The following PLCB1 variants were observed in gnomAD, a reference collection of about 807,000 sequenced individuals.
The protein encoded by PLCB1 is 1-phosphatidylinositol 4,5-bisphosphate phosphodiesterase beta-1.
A neutral mutation model predicts 161.8 loss-of-function variants in PLCB1; 46 were observed. That is an observed-to-expected ratio of 0.28 (90% CI 0.22 to 0.36). The LOEUF (loss-of-function observed/expected upper bound fraction) is 0.36. PLCB1 is among the 10% of genes least tolerant of loss of function. PLCB1 has a pLI of 1.00. For synonymous variants in PLCB1, 517 were observed against 503.7 expected, an observed-to-expected ratio of 1.03 and a Z score of -0.35; for missense variants, 1,016 against 1,472.5, an observed-to-expected ratio of 0.69 and a Z score of 5.07.
At chr20:8,327,324 A>G (rs1257679253) in intron 2 of PLCB1, among the ~76,000 whole-genome samples, 1 of 152,228 alleles carries the variant, frequency 6.6e-6, no homozygotes, top group Admixed American at 6.5e-5. Flanking sequence ...CATGGGTTAC[A>G]GCACCATGTC....
intron 3 of PLCB1, among the ~76,000 whole-genome samples, chr20:8,492,353 A>G (rs1982982453): frequency 6.6e-6 from 1 of 152,150 alleles, no homozygotes; most frequent in Non-Finnish European, 1.5e-5. Flanking sequence ...TGCATTGTTA[A>G]CTGCATCTTC....
chr20:8,563,667 T>G (rs1986225654), intron 3 of PLCB1, among the ~76,000 whole-genome samples: 1 of 152,130 alleles, frequency 6.6e-6, no homozygotes, highest in Non-Finnish European at 1.5e-5. Flanking sequence ...ACAAAATCAA[T>G]GTGCAAAAAT....
intron 3 of PLCB1, among the ~76,000 whole-genome samples, chr20:8,448,846 CA>C (rs1360467473): frequency 2.6e-5 from 4 of 152,154 alleles, no homozygotes; most frequent in African/African-American, 7.2e-5. Context: ...TAAGGTCACA[CA>C]GATGGCTTTG....
intron 2 of PLCB1, among the ~76,000 whole-genome samples, chr20:8,314,921 C>T (rs988844054): frequency 2.0e-5 from 3 of 152,166 alleles, no homozygotes; most frequent in African/African-American, 7.2e-5. Flanking sequence ...TAATTAGAGA[C>T]ACAGAGCCAC....
intron 3 of PLCB1, among the ~76,000 whole-genome samples, chr20:8,557,043 A>T (rs1454652348): frequency 6.6e-6 from 1 of 151,216 alleles, no homozygotes; most frequent in Non-Finnish European, 1.5e-5. Flanking sequence ...AAAAATGGAA[A>T]TAAAACAAGT....
chr20:8,336,165 A>G (rs929569599), intron 2 of PLCB1, among the ~76,000 whole-genome samples: 1 of 152,222 alleles, frequency 6.6e-6, no homozygotes, highest in Non-Finnish European at 1.5e-5. Context: ...AAGGGTAAAA[A>G]GGTAGTTACA....
chr20:8,829,604 G>T (rs1016327125), intron 31 of PLCB1, among the ~76,000 whole-genome samples: 6 of 152,188 alleles, frequency 3.9e-5, no homozygotes, highest in Admixed American at 2.6e-4. Context: ...GGCAATGCAC[G>T]CCTGGAAGGA....
At chr20:8,221,987 A>G (rs755838636) in intron 2 of PLCB1, among the ~76,000 whole-genome samples, 4 of 152,192 alleles carry the variant, frequency 2.6e-5, no homozygotes, top group Non-Finnish European at 5.9e-5. Context: ...CTTTAATACT[A>G]TATCTCATCA....
intron 2 of PLCB1, among the ~76,000 whole-genome samples, chr20:8,200,193 A>G (rs1438085908): frequency 6.6e-6 from 1 of 152,112 alleles, no homozygotes; most frequent in Non-Finnish European, 1.5e-5. Flanking sequence ...TTATATGATT[A>G]TAATAATGTG....
At chr20:8,816,235 A>G (rs921292934) in intron 31 of PLCB1, among the ~76,000 whole-genome samples, 3 of 152,194 alleles carry the variant, frequency 2.0e-5, no homozygotes, top group Non-Finnish European at 4.4e-5. Flanking sequence ...GAAATATTAT[A>G]AGAAACATTT....
At chr20:8,844,456 G>C (rs1986617104) in intron 31 of PLCB1, among the ~76,000 whole-genome samples, 1 of 152,172 alleles carries the variant, frequency 6.6e-6, no homozygotes, top group South Asian at 2.1e-4. Context: ...CATGGCTAAT[G>C]CCTGTAATCC....
At chr20:8,155,439 T>C (rs1194745954) in intron 2 of PLCB1, among the ~76,000 whole-genome samples, 1 of 152,200 alleles carries the variant, frequency 6.6e-6, no homozygotes, top group African/African-American at 2.4e-5. Context: ...TCTTCTCTTA[T>C]GATAACCTTA....
chr20:8,469,803 C>G (rs1012642724), intron 3 of PLCB1, among the ~76,000 whole-genome samples: 1 of 152,136 alleles, frequency 6.6e-6, no homozygotes, highest in Non-Finnish European at 1.5e-5. Flanking sequence ...ATACAATTCA[C>G]TCATATAAAG....
At chr20:8,705,927 T>C (rs112764016) in intron 11 of PLCB1, among the ~76,000 whole-genome samples, 6 of 152,302 alleles carry the variant, frequency 3.9e-5, no homozygotes, top group African/African-American at 1.2e-4. Flanking sequence ...TGTCTACTCA[T>C]GTTTAGGAGC....
At chr20:8,594,758 G>A (rs1987271790) in intron 3 of PLCB1, among the ~76,000 whole-genome samples, 1 of 150,954 alleles carries the variant, frequency 6.6e-6, no homozygotes, top group African/African-American at 2.4e-5. Context: ...TTTATAAATA[G>A]CACAGCAGAT....
intron 4 of PLCB1, among the ~76,000 whole-genome samples, chr20:8,635,413 A>T (rs1406485967): frequency 2.6e-5 from 4 of 152,192 alleles, no homozygotes; most frequent in Non-Finnish European, 5.9e-5. Context: ...CAATCTTTTC[A>T]TTTAGAGTTG....
chr20:8,539,676 C>CTTTCT (rs1568499527), intron 3 of PLCB1, among the ~76,000 whole-genome samples: 1 of 90,524 alleles, frequency 1.1e-5, no homozygotes, highest in Non-Finnish European at 2.1e-5. Context: ...TTCTTTCTTT[C>CTTTCT]TTTCTTTCTT....
rs561699009 is a variant in PLCB1 at position 8,821,543 on chromosome 20, A to G, written c.3423+31282A>G. Among the ~76,000 whole-genome samples the G allele has an allele frequency of 6.4e-3, 602 of 93,926 alleles. 54 individuals are homozygous for G. Among genetic ancestry groups the G allele is most frequent in the African/African-American group, 0.027 (582 of 21,864 alleles). 61.6% of individuals were successfully genotyped at this position (93,926 alleles called of 152,430 possible). On this transcript the variant is annotated intron_variant, in intron 31 of 31. Coordinates refer to ENST00000338037, the MANE Select transcript of PLCB1 (RefSeq NM_015192.4). Reference sequence around the variant, plus strand: ...TATATATATATATATATATATATATATATATATATATATATTTAAATGACA... The same window carrying G: ...TATATATATATATATATATATATATGTATATATATATATATTTAAATGACA...
chr20:8,758,442 C>G (rs1395318860), intron 24 of PLCB1, among the ~76,000 whole-genome samples: 1 of 151,894 alleles, frequency 6.6e-6, no homozygotes, highest in East Asian at 1.9e-4. Flanking sequence ...GTTAGCCTGG[C>G]ATGGTAGTGC....
Sources: gnomAD v4.1 joint callset for allele counts (sites outside exome capture counted in the v4.1 genomes callset) on GRCh38, gnomAD v4.1.1 for gene constraint, MANE v1.5 for transcripts, NCBI Gene and HGNC (gene_info 2026-07-23, HGNC 2026-07-21) for gene names.